SNAP91: variants seen among roughly 807,000 people sequenced by gnomAD.
SNAP91 encodes clathrin coat assembly protein AP180.
A neutral mutation model predicts 100.3 loss-of-function variants in SNAP91; 27 were observed. The ratio of observed to expected loss-of-function variants is 0.27; its 90% confidence interval spans 0.20 to 0.37. The LOEUF (loss-of-function observed/expected upper bound fraction) is 0.37. Ranked by LOEUF, SNAP91 falls within the 10% of genes least tolerant of loss-of-function variation. The probability of loss-of-function intolerance (pLI) is 1.00; values close to 1 mark genes in which losing one functional copy is unlikely to be tolerated. For synonymous variants in SNAP91, 404 were observed against 398.6 expected (o/e 1.01, Z -0.16); for missense variants, 986 against 1,123.7 (o/e 0.88, Z 1.75).
At chr6:83,665,634 T>G in intron 2 of SNAP91, 53 bp from the exon 3 acceptor site, 1 of 1,543,970 alleles carries the variant, frequency 6.5e-7, no homozygotes, top group South Asian at 1.1e-5. Context: ...ATGCAAAAAT[T>G]CATTTCAAAC....
At chr6:83,586,157 T>C (rs773626058) in intron 22 of SNAP91, among the ~76,000 whole-genome samples, 1 of 152,050 alleles carries the variant, frequency 6.6e-6, no homozygotes. Context: ...GCCACAAGAG[T>C]GCAATTTTAA....
intron 2 of SNAP91, among the ~76,000 whole-genome samples, chr6:83,681,509 A>T (rs1390639922): frequency 6.6e-6 from 1 of 152,182 alleles, no homozygotes; most frequent in Non-Finnish European, 1.5e-5. Flanking sequence ...TGGTACATAT[A>T]CAAAAATCCA....
Position 83,593,630 on chromosome 6 carries a change from G to T in SNAP91, c.1544C>A (p.Ala515Asp). The change falls in exon 18 of 30, where the codon GCC (alanine) becomes GAC (aspartate). Residue 515 changes from alanine (A) to aspartate (D), a missense_variant. Physicochemically the swap from Ala to Asp is moderately radical, Grantham distance 126. This residue lies in a region of SNAP91 where 575 missense variants were observed against 579.9 expected (regional missense o/e 0.99). Coordinates refer to ENST00000369694, the MANE Select transcript of SNAP91 (RefSeq NM_001242792.2). ...AGGAGCAGTTGCGGGAACTGGAGGG[G>T]CTGTGCTAGCTGTAGGGGTAACTAC... ...VPVVTPTAST[A>D]PPVPATAPSP... 3.7e-6 allele frequency: 6 copies of T among 1,611,820 alleles called. No individual in the cohort carries two copies. The highest frequency in any genetic ancestry group is 5.1e-6 in the Non-Finnish European group (6 of 1,178,846).
At chr6:83,664,958 C>A (rs1292313954) in intron 3 of SNAP91, among the ~76,000 whole-genome samples, 9 of 152,080 alleles carry the variant, frequency 5.9e-5, no homozygotes, top group Admixed American at 5.9e-4. Flanking sequence ...CAGGGCAAGA[C>A]CTTCTACCAG....
intron 2 of SNAP91, among the ~76,000 whole-genome samples, chr6:83,705,514 A>C (rs2099364543): frequency 6.6e-6 from 1 of 152,146 alleles, no homozygotes; most frequent in South Asian, 2.1e-4. Context: ...AAAGCTATGA[A>C]AGTTTGGACA....
chr6:83,556,195 T>C lies in SNAP91; in HGVS notation c.2682A>G (p.Ala894=), dbSNP rs747083065. 27 of 1,576,782 alleles carry C rather than the reference T, an allele frequency of 1.7e-5. No homozygotes were observed. The highest frequency in any genetic ancestry group is 2.2e-5 in the Non-Finnish European group (26 of 1,161,092). Reference sequence around the variant, plus strand: ...TGTTAAGATCCGCTAATGGGTCCTTTGCTGGAGGTTTCTTGGGACTCTGAC... The same window carrying C: ...TGTTAAGATCCGCTAATGGGTCCTTCGCTGGAGGTTTCTTGGGACTCTGAC... ...PASQSPKKPP[A]KDPLADLNIK... The change falls in exon 29 of 30, where the codon GCA becomes GCG. Residue 894 remains alanine (A), a synonymous_variant. Transcript: ENST00000369694.
intron 10 of SNAP91, among the ~76,000 whole-genome samples, chr6:83,616,259 A>T (rs1171858414): frequency 6.6e-6 from 1 of 152,194 alleles, no homozygotes; most frequent in Non-Finnish European, 1.5e-5. Context: ...GCAGAATTAT[A>T]GTCTGAAAAA....
intron 26 of SNAP91, among the ~76,000 whole-genome samples, chr6:83,562,636 A>T (rs1789798895): frequency 6.6e-6 from 1 of 152,090 alleles, no homozygotes; most frequent in Non-Finnish European, 1.5e-5. Context: ...AACCTACTTG[A>T]TTTACCCTAC....
At chr6:83,673,991 A>G (rs1357946952) in intron 2 of SNAP91, among the ~76,000 whole-genome samples, 1 of 152,222 alleles carries the variant, frequency 6.6e-6, no homozygotes, top group Non-Finnish European at 1.5e-5. Flanking sequence ...AGGAGGACAG[A>G]CTTCATCTAT....
chr6:83,623,377 T>C, intron 8 of SNAP91, 35 bp from the exon 9 acceptor site: 1 of 1,502,168 alleles, frequency 6.7e-7, no homozygotes, highest in Non-Finnish European at 9.1e-7. Context: ...TAGTAGAACT[T>C]TTAAAATTAA....
chr6:83,666,454 C>T (rs2098687785), intron 2 of SNAP91, among the ~76,000 whole-genome samples: 1 of 152,098 alleles, frequency 6.6e-6, no homozygotes, highest in Admixed American at 6.6e-5. Context: ...ACAGTCCACA[C>T]TTATCTTGCA....
chr6:83,699,919 T>C (rs2099270171), intron 2 of SNAP91, among the ~76,000 whole-genome samples: 2 of 152,150 alleles, frequency 1.3e-5, no homozygotes, highest in South Asian at 4.1e-4. Flanking sequence ...AGATACACTG[T>C]CCTCAAAATA....
At chr6:83,635,405 T>G (rs1451998154) in intron 8 of SNAP91, among the ~76,000 whole-genome samples, 1 of 152,198 alleles carries the variant, frequency 6.6e-6, no homozygotes, top group Non-Finnish European at 1.5e-5. Flanking sequence ...GTCTTCTTGT[T>G]GAATTGAACC....
At chr6:83,638,165 A>T (rs1445440003) in intron 8 of SNAP91, among the ~76,000 whole-genome samples, 2 of 152,178 alleles carry the variant, frequency 1.3e-5, no homozygotes, top group Non-Finnish European at 2.9e-5. Flanking sequence ...GTTTTACTGC[A>T]GCTGGCATGT....
chr6:83,599,221 A>G (rs2094872470), intron 16 of SNAP91, among the ~76,000 whole-genome samples: 1 of 152,228 alleles, frequency 6.6e-6, no homozygotes. Flanking sequence ...GAATATTTCA[A>G]AGAAATATCT....
At chr6:83,621,470 T>A (rs1014815779) in intron 9 of SNAP91, among the ~76,000 whole-genome samples, 1 of 152,166 alleles carries the variant, frequency 6.6e-6, no homozygotes, top group Non-Finnish European at 1.5e-5. Flanking sequence ...GGCAAGATTT[T>A]ACTTTCTTTG....
intron 2 of SNAP91, among the ~76,000 whole-genome samples, chr6:83,681,939 G>A (rs1450451931): frequency 6.6e-6 from 1 of 152,122 alleles, no homozygotes; most frequent in Admixed American, 6.6e-5. Flanking sequence ...AGAATGGGGA[G>A]CAATAAGCAC....
chr6:83,648,349 G>GT (rs1562498184), intron 7 of SNAP91, among the ~76,000 whole-genome samples: 1 of 150,930 alleles, frequency 6.6e-6, no homozygotes, highest in Admixed American at 6.6e-5. Context: ...GTTTATCTAT[G>GT]TACCTATTAA....
intron 28 of SNAP91, among the ~76,000 whole-genome samples, chr6:83,558,808 G>A (rs1472034552): frequency 2.0e-5 from 3 of 152,156 alleles, no homozygotes; most frequent in African/African-American, 7.2e-5. Flanking sequence ...TAGTAATTTG[G>A]TGTCCTGCCC....
Sources: gnomAD v4.1 joint callset for allele counts (sites outside exome capture counted in the v4.1 genomes callset) on GRCh38, gnomAD v4.1.1 for gene constraint, gnomAD v4.1.1 regional missense constraint, MANE v1.5 for transcripts, NCBI Gene and HGNC (gene_info 2026-07-23, HGNC 2026-07-21) for gene names.